The following FRMD7 variants were observed in gnomAD, a reference collection of about 807,000 sequenced individuals.
FRMD7 encodes the protein FERM domain-containing protein 7.
Under a neutral mutation model 44.1 loss-of-function variants are expected in FRMD7, and 14 were observed. The observed-to-expected ratio is 0.32, with a 90% CI of 0.21 to 0.50. The LOEUF (loss-of-function observed/expected upper bound fraction) is 0.50. FRMD7 is among the 20% of genes least tolerant of loss of function. The probability of loss-of-function intolerance (pLI) is 0.99; values close to 1 mark genes in which losing one functional copy is unlikely to be tolerated. For synonymous variants in FRMD7, 212 were observed against 187.4 expected (o/e 1.13, Z -1.07); for missense variants, 501 against 522.3 (o/e 0.96, Z 0.40).
In FRMD7 at chrX:132,127,986, C is replaced by T. The variant is rs1929197828; in HGVS notation, c.-142G>A. ...TCCCACTGTCAGCGGGGCACACTTC[C>T]GTTTGCTTGAAGTAATGCACACCCA... On this transcript the variant is annotated 5_prime_UTR_variant, in exon 1 of 12. Transcript: ENST00000298542. 2 of 543,303 alleles carry T rather than the reference C, an allele frequency of 3.7e-6. No individual in the cohort carries two copies. The highest frequency in any genetic ancestry group is 3.5e-5 in the East Asian group (1 of 28,351). The allele number at this position is 543,303 out of a possible 1,213,427, so 44.8% of individuals were successfully genotyped here.
intron 1 of FRMD7, among the ~76,000 whole-genome samples, chrX:132,115,027 C>T (rs779049112): frequency 8.9e-6 from 1 of 112,574 alleles, no homozygotes; most frequent in Non-Finnish European, 1.9e-5. Flanking sequence ...ATATGTCGTG[C>T]ACACTGTAGG....
At chrX:132,086,155 C>A in intron 5 of FRMD7, 121 bp from the exon 6 acceptor site, 1 of 533,827 alleles carries the variant, frequency 1.9e-6, no homozygotes, top group South Asian at 2.4e-5. Context: ...AGTCCAAAGC[C>A]TCCAACCCCA....
At chrX:132,118,390 G>C (rs1356727335) in intron 1 of FRMD7, among the ~76,000 whole-genome samples, 2 of 109,795 alleles carry the variant, frequency 1.8e-5, no homozygotes, top group Admixed American at 2.0e-4. Context: ...AGAGTGAGTA[G>C]GGCAGGATTT....
chrX:132,124,247 C>G (rs1929103274), intron 1 of FRMD7, among the ~76,000 whole-genome samples: 1 of 111,650 alleles, frequency 9.0e-6, no homozygotes, highest in Non-Finnish European at 1.9e-5. Flanking sequence ...ACAATAAAAC[C>G]TGCAATTAAT....
chrX:132,119,240 C>T (rs1928977632), intron 1 of FRMD7, among the ~76,000 whole-genome samples: 2 of 112,004 alleles, frequency 1.8e-5, no homozygotes, highest in South Asian at 3.7e-4. Context: ...ATTTCACAGA[C>T]GTATTAAGTA....
rs747452860 is a variant in FRMD7 at position 132,097,281 on chromosome X, C to T, written c.269G>A (p.Arg90Gln). ...KFFPVDPGHL[R>Q]EELTRYLFTL... ...ATCACTATACCTTGTAAGTTCTTCC[C>T]GCAGATGTCCAGGGTCCACTGGGAA... The change falls in exon 4 of 12, where the codon CGG (arginine) becomes CAG (glutamine). Residue 90 changes from arginine to glutamine, a missense_variant. By Grantham distance (43) the Arg-to-Gln change is conservative. This residue lies in a region of FRMD7 where 24 missense variants were observed against 48.0 expected (regional missense o/e 0.50). Coordinates refer to ENST00000298542, the MANE Select transcript of FRMD7 (RefSeq NM_194277.3). 64 of 1,184,658 alleles carry T rather than the reference C, an allele frequency of 5.4e-5. 1 individual carries two copies. The Middle Eastern group carries it at 9.3e-4, about 17-fold the overall frequency.
rs773550469 is a variant in FRMD7, at chrX:132,077,828, C to T, written c.*44G>A. 5.8e-6 allele frequency: 7 copies of T among 1,209,251 alleles called. No individual in the cohort carries two copies. The Admixed American group carries it at 1.3e-4, about 23-fold the overall frequency. ...CAACTTCATTATTTTCTGCCTAAGT[C>T]GGTAACATGGAACTGGCTCAGAAAT... On this transcript the variant is annotated 3_prime_UTR_variant, in exon 12 of 12. Transcript: ENST00000298542.
At chrX:132,116,933 T>C (rs751814135) in intron 1 of FRMD7, among the ~76,000 whole-genome samples, 1 of 112,389 alleles carries the variant, frequency 8.9e-6, no homozygotes, top group Non-Finnish European at 1.9e-5. Flanking sequence ...AGTGGTCAAG[T>C]GCATGGGCTC....
chrX:132,125,639 G>A (rs1326362274), intron 1 of FRMD7, among the ~76,000 whole-genome samples: 1 of 112,024 alleles, frequency 8.9e-6, no homozygotes, highest in Non-Finnish European at 1.9e-5. Flanking sequence ...CCCTGACCTT[G>A]AGGGAACACT....
chrX:132,087,117 TTC>T (rs1203474282), intron 5 of FRMD7, among the ~76,000 whole-genome samples: 2 of 112,179 alleles, frequency 1.8e-5, no homozygotes, highest in African/African-American at 6.5e-5. Flanking sequence ...GATTTTTGGA[TTC>T]TTTTTTCTTC....
intron 1 of FRMD7, among the ~76,000 whole-genome samples, chrX:132,106,916 T>C (rs1344710777): frequency 9.0e-6 from 1 of 111,705 alleles, no homozygotes; most frequent in Non-Finnish European, 1.9e-5. Context: ...AAGATCACTA[T>C]TGGGTACTGG....
chrX:132,109,152 A>G (rs1928718861), intron 1 of FRMD7, among the ~76,000 whole-genome samples: 1 of 111,624 alleles, frequency 9.0e-6, no homozygotes, highest in African/African-American at 3.3e-5. Flanking sequence ...GTATCAGCTG[A>G]TCATCTCTCC....
intron 1 of FRMD7, among the ~76,000 whole-genome samples, chrX:132,117,275 C>T (rs1216677796): frequency 9.0e-6 from 1 of 111,645 alleles, no homozygotes; most frequent in Non-Finnish European, 1.9e-5. Context: ...CTATGAGCAT[C>T]TGGGAAAGTG....
At chrX:132,110,357 A>G (rs957783482) in intron 1 of FRMD7, among the ~76,000 whole-genome samples, 1 of 110,486 alleles carries the variant, frequency 9.1e-6, no homozygotes, top group Admixed American at 9.7e-5. Context: ...GTGAGAATAC[A>G]AAGAGGTAAA....
At chrX:132,104,138 C>T (rs751637876) in intron 1 of FRMD7, among the ~76,000 whole-genome samples, 38 of 112,185 alleles carry the variant, frequency 3.4e-4, no homozygotes, top group African/African-American at 1.2e-3. Context: ...GTGCCTGGCA[C>T]ATCATATGCA....
intron 3 of FRMD7, 73 bp from the exon 4 acceptor site, chrX:132,097,417 ACACACACACACC>A: frequency 1.6e-6 from 1 of 613,717 alleles, no homozygotes; most frequent in Non-Finnish European, 2.8e-6. Flanking sequence ...ACACACACAC[ACACACACACACC>A]CACACACACA....
At chrX:132,080,161 T>C (rs765049826) in intron 10 of FRMD7, 37 bp downstream of exon 10, 1 of 1,153,809 alleles carries the variant, frequency 8.7e-7, no homozygotes, top group South Asian at 1.8e-5. Flanking sequence ...AAATTCAACA[T>C]AAAATCAACA....
intron 1 of FRMD7, among the ~76,000 whole-genome samples, chrX:132,103,137 C>A (rs1444547187): frequency 8.9e-6 from 1 of 111,807 alleles, no homozygotes; most frequent in Non-Finnish European, 1.9e-5. Context: ...TGAAATTGGC[C>A]AGCTTTGTGG....
intron 5 of FRMD7, among the ~76,000 whole-genome samples, chrX:132,087,728 C>A (rs1003561593): frequency 9.0e-6 from 1 of 111,054 alleles, no homozygotes; most frequent in East Asian, 2.8e-4. Context: ...GATACCAAAA[C>A]GGGACAAAAA....
Sources: gnomAD v4.1 joint callset for allele counts (sites outside exome capture counted in the v4.1 genomes callset) on GRCh38, gnomAD v4.1.1 for gene constraint, gnomAD v4.1.1 regional missense constraint, MANE v1.5 for transcripts, NCBI Gene and HGNC (gene_info 2026-07-23, HGNC 2026-07-21) for gene names.